The following MERTK variants were observed in gnomAD, a reference collection of about 807,000 sequenced individuals.
MERTK encodes the protein MER proto-oncogene, tyrosine kinase.
MERTK carries 69 observed loss-of-function variants against 99.3 expected under a neutral mutation model. The observed-to-expected ratio is 0.70, with a 90% CI of 0.57 to 0.85. The LOEUF is 0.85. Among genes scored for constraint, MERTK ranks in the 40% least tolerant of loss-of-function variants. The pLI is 0.00. For synonymous variants in MERTK, 426 were observed against 467.6 expected, an observed-to-expected ratio of 0.91 and a Z score of 1.15; for missense variants, 1,125 against 1,249.4, an observed-to-expected ratio of 0.90 and a Z score of 1.50.
chr2:111,945,895 C>G (rs1684953612), intron 3 of MERTK, among the ~76,000 whole-genome samples: 1 of 152,242 alleles, frequency 6.6e-6, no homozygotes, highest in Non-Finnish European at 1.5e-5. Flanking sequence ...CCCCTCTTAG[C>G]AGAGCCATTA....
chr2:111,939,110 A>G (rs1684815224), intron 2 of MERTK, among the ~76,000 whole-genome samples: 1 of 152,172 alleles, frequency 6.6e-6, no homozygotes, highest in Admixed American at 6.5e-5. Context: ...AAGGAAATTT[A>G]TTTCTCACAG....
At chr2:111,994,832 C>T (rs1377166081) in intron 9 of MERTK, 3 of 305,866 alleles carry the variant, frequency 9.8e-6, no homozygotes, top group African/African-American at 2.2e-5. Flanking sequence ...AATAATTTTT[C>T]CAATGATAAA....
intron 7 of MERTK, among the ~76,000 whole-genome samples, chr2:111,980,412 CTTTTTTTT>C (rs34831521): frequency 2.0e-5 from 2 of 100,980 alleles, no homozygotes; most frequent in African/African-American, 7.5e-5. Flanking sequence ...GCAACTATTT[CTTTTTTTT>C]TTTTTTTTTT....
At chr2:112,019,356 C>T in intron 15 of MERTK, 57 bp from the exon 16 acceptor site, 1 of 1,327,312 alleles carries the variant, frequency 7.5e-7, no homozygotes, top group Middle Eastern at 1.8e-4. Context: ...GCAGAAACTG[C>T]TTGCAAGTTT....
At chr2:111,943,592 C>T (rs1329867565) in intron 2 of MERTK, among the ~76,000 whole-genome samples, 2 of 152,164 alleles carry the variant, frequency 1.3e-5, no homozygotes, top group Non-Finnish European at 2.9e-5. Flanking sequence ...GGCATGTCCA[C>T]CCCAGGAGAG....
At position 112,019,202 on chromosome 2, in the gene MERTK, A is replaced by G. The variant is rs1033867896; in HGVS notation, c.2080-211A>G. The stretch of plus-strand genomic sequence containing the variant: ...TACTTTTAAAGATGGGGAAAAGAGA[A>G]TATGATGTTTGCCAAGAAGTTTAAG... On this transcript the variant is annotated intron_variant, in intron 15 of 18. Coordinates refer to ENST00000295408, the MANE Select transcript of MERTK (RefSeq NM_006343.3). 1.0e-5 allele frequency: 7 copies of G among 676,204 alleles called. No individual in the cohort carries two copies. The Admixed American group carries it at 1.0e-4, about 10-fold the overall frequency. 41.9% of individuals were successfully genotyped at this position (676,204 alleles called of 1,614,324 possible).
intron 12 of MERTK, chr2:112,003,434 T>C (rs1464906888): frequency 1.3e-5 from 5 of 371,508 alleles, no homozygotes; most frequent in Non-Finnish European, 2.4e-5. Flanking sequence ...TCTTTCTTCA[T>C]TGAAAAGCAT....
intron 8 of MERTK, among the ~76,000 whole-genome samples, chr2:111,992,319 T>G (rs1054637934): frequency 2.6e-5 from 4 of 152,014 alleles, no homozygotes; most frequent in African/African-American, 9.7e-5. Context: ...GAGGATGGGG[T>G]TCAGAGAGCT....
intron 15 of MERTK, among the ~76,000 whole-genome samples, chr2:112,012,989 T>TAG (rs746506889): frequency 6.6e-6 from 1 of 152,234 alleles, no homozygotes; most frequent in Non-Finnish European, 1.5e-5. Flanking sequence ...GTTGGTATCT[T>TAG]ACGCCTGTGT....
chr2:112,026,483 C>CA (rs1677463235), intron 18 of MERTK, among the ~76,000 whole-genome samples: 1 of 152,138 alleles, frequency 6.6e-6, no homozygotes, highest in Admixed American at 6.6e-5. Flanking sequence ...GTTTGGAAAA[C>CA]AGAGTCATGC....
At chr2:111,903,438 A>G (rs550978248) in intron 1 of MERTK, among the ~76,000 whole-genome samples, 1 of 152,322 alleles carries the variant, frequency 6.6e-6, no homozygotes, top group African/African-American at 2.4e-5. Context: ...TTAACCCCAA[A>G]CATATTTTAC....
intron 1 of MERTK, among the ~76,000 whole-genome samples, chr2:111,899,052 C>A (rs1181431419): frequency 2.0e-5 from 3 of 152,194 alleles, no homozygotes; most frequent in Non-Finnish European, 4.4e-5. Context: ...TCGGGGTCGG[C>A]GTTGCAGGCT....
intron 16 of MERTK, among the ~76,000 whole-genome samples, chr2:112,020,251 G>A (rs192129245): frequency 2.0e-5 from 3 of 152,254 alleles, no homozygotes; most frequent in Admixed American, 2.0e-4. Context: ...AGGGGTTTTG[G>A]TTTTGTTATT....
At chr2:111,917,809 TG>T (rs1684380784) in intron 1 of MERTK, among the ~76,000 whole-genome samples, 1 of 150,638 alleles carries the variant, frequency 6.6e-6, no homozygotes, top group African/African-American at 2.4e-5. Context: ...CGCTTAAACC[TG>T]GGAGGTGGAG....
chr2:112,025,635 A>G (rs1677446310), intron 18 of MERTK, among the ~76,000 whole-genome samples: 2 of 152,210 alleles, frequency 1.3e-5, no homozygotes, highest in South Asian at 4.1e-4. Flanking sequence ...TGGCTAGCAC[A>G]GTGGAAGCAC....
intron 6 of MERTK, among the ~76,000 whole-genome samples, chr2:111,969,312 A>C (rs1676031388): frequency 6.6e-6 from 1 of 152,196 alleles, no homozygotes; most frequent in African/African-American, 2.4e-5. Flanking sequence ...TGCCTAAAGC[A>C]GCGGTCAGAA....
chr2:111,923,980 G>A (rs1684510869), intron 1 of MERTK, among the ~76,000 whole-genome samples: 1 of 151,868 alleles, frequency 6.6e-6, no homozygotes, highest in Non-Finnish European at 1.5e-5. Context: ...TAATCACCCA[G>A]TGCCCCCACA....
In MERTK at chr2:112,029,035, A is replaced by G. The variant is rs1677528253; in HGVS notation, c.*171A>G. 7.2e-7 allele frequency: 1 copy of G among 1,398,048 alleles called. No homozygotes were observed. The highest frequency in any genetic ancestry group is 9.3e-7 in the Non-Finnish European group (1 of 1,071,820). The allele number at this position is 1,398,048 out of a possible 1,614,324, so 86.6% of individuals were successfully genotyped here. A position where few individuals can be genotyped will look rare whatever the true frequency, so the allele number is the denominator to read the frequency against. On this transcript the variant is annotated 3_prime_UTR_variant, in exon 19 of 19. Coordinates refer to ENST00000295408, the MANE Select transcript of MERTK (RefSeq NM_006343.3). ...CTGTCATTAAAAATACATAATATAT[A>G]TTTATTTAAAGAGAAAAAATATGTG...
intron 1 of MERTK, among the ~76,000 whole-genome samples, chr2:111,919,880 CT>C (rs751396456): frequency 1.3e-5 from 2 of 151,030 alleles, no homozygotes; most frequent in Admixed American, 1.3e-4. Context: ...AAGCAAGCCC[CT>C]TGTGCTTTTG....
Sources: allele counts gnomAD v4.1 joint callset (sites outside exome capture counted in the v4.1 genomes callset), GRCh38; gene constraint gnomAD v4.1.1; transcripts MANE v1.5; gene names NCBI Gene and HGNC (gene_info 2026-07-23, HGNC 2026-07-21).